The following GPCPD1 variants were observed in gnomAD, a reference collection of about 807,000 sequenced individuals.
The protein encoded by GPCPD1 is glycerophosphocholine phosphodiesterase 1, also known as glycerophosphocholine phosphodiesterase GPCPD1.
GPCPD1 carries 29 observed loss-of-function variants against 89.2 expected under a neutral mutation model. The ratio of observed to expected loss-of-function variants is 0.33; its 90% CI spans 0.24 to 0.44. GPCPD1 has a LOEUF of 0.44. GPCPD1 is among the 20% of genes least tolerant of loss of function. The pLI, the probability that GPCPD1 is intolerant of heterozygous loss-of-function variation, is 1.00. For synonymous variants in GPCPD1, 258 were observed against 266.3 expected, an observed-to-expected ratio of 0.97 and a Z score of 0.30; for missense variants, 594 against 808.9, an observed-to-expected ratio of 0.73 and a Z score of 3.22.
intron 1 of GPCPD1, among the ~76,000 whole-genome samples, chr20:5,610,454 G>C (rs1268058489): frequency 1.3e-5 from 2 of 152,050 alleles, no homozygotes; most frequent in Non-Finnish European, 2.9e-5. Context: ...TGGGGCAGGG[G>C]ATGTCCCCAG....
rs527790649 is a variant in GPCPD1 at position 5,610,137 on chromosome 20, G to A, written c.-29+705C>T. Among the ~76,000 whole-genome samples, 57 of 152,284 alleles carry A rather than the reference G, an allele frequency of 3.7e-4. 2 individuals are homozygous for A. In the South Asian group the frequency reaches 0.011, roughly 30 times the overall value. On this transcript the variant is annotated intron_variant, in intron 1 of 19. Coordinates refer to ENST00000379019, the MANE Select transcript of GPCPD1 (RefSeq NM_019593.5). ...TTTCCAGCCAGCCAGTGGAGTCTGG[G>A]GAGAGGGCTGATGAGGACACCTAAG...
At chr20:5,572,063 A>G (rs1460605769) in intron 11 of GPCPD1, among the ~76,000 whole-genome samples, 2 of 151,890 alleles carry the variant, frequency 1.3e-5, no homozygotes, top group Non-Finnish European at 2.9e-5. Context: ...TACAAAAAAT[A>G]CAACAATTAG....
intron 1 of GPCPD1, among the ~76,000 whole-genome samples, 172 bp from the exon 2 acceptor site, chr20:5,604,612 G>A (rs1206341492): frequency 1.8e-4 from 3 of 17,076 alleles, no homozygotes; most frequent in African/African-American, 4.1e-4. Context: ...ACTTTAGTGC[G>A]GGGGGGGGGG....
intron 2 of GPCPD1, among the ~76,000 whole-genome samples, chr20:5,599,401 A>G (rs2122785125): frequency 6.6e-6 from 1 of 152,178 alleles, no homozygotes; most frequent in Non-Finnish European, 1.5e-5. Context: ...CAGGAGGCAG[A>G]GGTTGCAGTG....
At chr20:5,598,320 C>T (rs1391506452) in intron 3 of GPCPD1, among the ~76,000 whole-genome samples, 10 of 152,070 alleles carry the variant, frequency 6.6e-5, no homozygotes, top group African/African-American at 1.7e-4. Context: ...GCGCAAGGAT[C>T]GCTTCAGCCC....
intron 4 of GPCPD1, among the ~76,000 whole-genome samples, chr20:5,590,837 C>G (rs1979280736): frequency 6.6e-6 from 1 of 152,054 alleles, no homozygotes. Context: ...TGTAATGAAT[C>G]TAATTATGAG....
At chr20:5,610,254 A>G (rs1438061952) in intron 1 of GPCPD1, among the ~76,000 whole-genome samples, 1 of 152,220 alleles carries the variant, frequency 6.6e-6, no homozygotes, top group African/African-American at 2.4e-5. Context: ...AGACCTAAAA[A>G]ATTGTATCGA....
At chr20:5,593,552 T>C (rs551340529) in intron 3 of GPCPD1, 141 bp from the exon 4 acceptor site, 6 of 572,072 alleles carry the variant, frequency 1.0e-5, no homozygotes, top group South Asian at 8.2e-5. Context: ...ACAGGCCTAC[T>C]CTGTAGCAGG....
intron 17 of GPCPD1, 89 bp from the exon 18 acceptor site, chr20:5,558,908 A>G: frequency 9.7e-7 from 1 of 1,032,850 alleles, no homozygotes; most frequent in Non-Finnish European, 1.4e-6. Context: ...GAAAGTATAA[A>G]GAAAACAAAC....
At chr20:5,584,965 C>T (rs1367356116) in intron 5 of GPCPD1, 1 of 152,214 alleles carries the variant, frequency 6.6e-6, no homozygotes, top group Non-Finnish European at 1.5e-5. Flanking sequence ...TCCCAGTTTA[C>T]TTTAAACGTT....
intron 3 of GPCPD1, among the ~76,000 whole-genome samples, chr20:5,594,049 C>G (rs142419940): frequency 4.7e-4 from 72 of 152,282 alleles, no homozygotes; most frequent in African/African-American, 1.7e-3. Context: ...CTATGTTATT[C>G]TAACAGAAAC....
chr20:5,554,894 A>G (rs1357724803), intron 19 of GPCPD1, among the ~76,000 whole-genome samples: 1 of 152,212 alleles, frequency 6.6e-6, no homozygotes, highest in Non-Finnish European at 1.5e-5. Flanking sequence ...TCAAAATATC[A>G]ACATTAACAG....
intron 7 of GPCPD1, among the ~76,000 whole-genome samples, chr20:5,579,410 C>T (rs1046982182): frequency 1.3e-5 from 2 of 152,046 alleles, no homozygotes; most frequent in African/African-American, 4.8e-5. Flanking sequence ...TGCAGTGGTG[C>T]GATCTCGGCT....
intron 6 of GPCPD1, among the ~76,000 whole-genome samples, chr20:5,581,813 A>ATTTTTTT (rs1568664434): frequency 1.2e-5 from 1 of 82,810 alleles, no homozygotes; most frequent in African/African-American, 6.6e-5. Flanking sequence ...TGGGACTTTA[A>ATTTTTTT]CTTTTTTTTT....
intron 11 of GPCPD1, among the ~76,000 whole-genome samples, chr20:5,571,817 G>A (rs759390447): frequency 7.2e-5 from 11 of 151,966 alleles, no homozygotes; most frequent in Non-Finnish European, 1.6e-4. Context: ...GCTGAAACTG[G>A]AGAATCGCTT....
rs771669916 is a variant in GPCPD1, at chr20:5,580,095, C to A, written c.386G>T (p.Cys129Phe). 1.3e-6 allele frequency: 2 copies of A among 1,495,756 alleles called. No individual in the cohort carries two copies. Among genetic ancestry groups the A allele is most frequent in the East Asian group, 4.5e-5 (2 of 44,210 alleles). The allele number at this position is 1,495,756 out of a possible 1,614,324, so 92.7% of individuals were successfully genotyped here. Residue 129 changes from cysteine to phenylalanine, a missense_variant, in exon 7 of 20, where the codon TGT becomes TTT. Transcript: ENST00000379019. ...VETLDSGWLT[C>F]QTEIRLRLHY... Reference sequence around the variant, plus strand: ...CAAACGTAATCTTATTTCAGTCTGACATGTCAGCCATCCAGAATCCAGAGT... The same window carrying A: ...CAAACGTAATCTTATTTCAGTCTGAAATGTCAGCCATCCAGAATCCAGAGT...
chr20:5,580,329 C>A (rs1978369208), intron 6 of GPCPD1, among the ~76,000 whole-genome samples, 198 bp from the exon 7 acceptor site: 1 of 151,728 alleles, frequency 6.6e-6, no homozygotes, highest in Admixed American at 6.6e-5. Flanking sequence ...ATATTGCAAA[C>A]CAAGGGTGAC....
chr20:5,558,476 T>C (rs973860325), intron 18 of GPCPD1, among the ~76,000 whole-genome samples: 6 of 152,166 alleles, frequency 3.9e-5, no homozygotes, highest in Non-Finnish European at 8.8e-5. Context: ...AACTAAAAAA[T>C]TTAACGTATG....
At chr20:5,583,523 G>C (rs1407686689) in intron 6 of GPCPD1, among the ~76,000 whole-genome samples, 5 of 152,198 alleles carry the variant, frequency 3.3e-5, no homozygotes, top group Non-Finnish European at 7.3e-5. Flanking sequence ...ACTCCAGCCT[G>C]GGCGGGTGGG....
Sources: allele counts gnomAD v4.1 joint callset (sites outside exome capture counted in the v4.1 genomes callset), GRCh38; gene constraint gnomAD v4.1.1; transcripts MANE v1.5; gene names NCBI Gene and HGNC (gene_info 2026-07-23, HGNC 2026-07-21).